Variants in FRMD5 observed in about 807,000 individuals in gnomAD.
The protein encoded by FRMD5 is FERM domain-containing protein 5.
FRMD5 carries 20 observed loss-of-function variants against 69.0 expected under a neutral mutation model. That is an observed-to-expected ratio of 0.29 (90% CI 0.20 to 0.42). The LOEUF (loss-of-function observed/expected upper bound fraction) is 0.42, where lower values mean the gene tolerates loss of function less well. FRMD5 is among the 10% of genes least tolerant of loss of function. The probability of loss-of-function intolerance (pLI) is 1.00; values close to 1 mark genes in which losing one functional copy is unlikely to be tolerated. For missense variants in FRMD5, 595 were observed against 708.6 expected (o/e 0.84, Z 1.82); for synonymous variants, 271 against 260.1 (o/e 1.04, Z -0.40).
At chr15:44,159,691 T>C (rs887738243) in intron 1 of FRMD5, among the ~76,000 whole-genome samples, 6 of 152,196 alleles carry the variant, frequency 3.9e-5, no homozygotes, top group Non-Finnish European at 8.8e-5. Context: ...AATTCTTGCT[T>C]TGATCTGCCA....
At chr15:43,951,000 G>GT (rs1272691042) in intron 1 of FRMD5, among the ~76,000 whole-genome samples, 1 of 152,146 alleles carries the variant, frequency 6.6e-6, no homozygotes, top group Non-Finnish European at 1.5e-5. Context: ...CAAAATTCAG[G>GT]TGGGCCAGTC....
At chr15:43,930,833 A>G (rs2089662524) in intron 1 of FRMD5, among the ~76,000 whole-genome samples, 2 of 152,178 alleles carry the variant, frequency 1.3e-5, no homozygotes, top group Admixed American at 6.5e-5. Context: ...AATCACATTC[A>G]GTCTGGAACA....
intron 1 of FRMD5, among the ~76,000 whole-genome samples, chr15:44,124,560 A>G (rs912904473): frequency 2.0e-5 from 3 of 151,694 alleles, no homozygotes; most frequent in African/African-American, 7.3e-5. Flanking sequence ...TTAGCCAGGC[A>G]TGGTGGCACG....
At chr15:43,983,464 TG>T (rs2140629792) in intron 1 of FRMD5, among the ~76,000 whole-genome samples, 1 of 152,336 alleles carries the variant, frequency 6.6e-6, no homozygotes, top group East Asian at 1.9e-4. Flanking sequence ...CTAGTTTCCT[TG>T]ATCTGGTTTC....
chr15:43,925,886 C>T (rs1039582543), intron 1 of FRMD5, among the ~76,000 whole-genome samples: 40 of 152,228 alleles, frequency 2.6e-4, no homozygotes, highest in Admixed American at 2.6e-3. Flanking sequence ...TACAGCCCTT[C>T]CCAGTTACTT....
intron 1 of FRMD5, among the ~76,000 whole-genome samples, chr15:43,964,196 C>A (rs1595566193): frequency 6.6e-6 from 1 of 152,026 alleles, no homozygotes; most frequent in South Asian, 2.1e-4. Flanking sequence ...AGACCAATCA[C>A]AAGGGATTTA....
intron 1 of FRMD5, among the ~76,000 whole-genome samples, chr15:44,115,256 G>A (rs1030995635): frequency 3.3e-5 from 5 of 152,044 alleles, no homozygotes; most frequent in African/African-American, 1.2e-4. Flanking sequence ...ATCTACATGC[G>A]TTACATGTAA....
intron 1 of FRMD5, among the ~76,000 whole-genome samples, chr15:44,079,121 C>T (rs909044880): frequency 2.0e-5 from 3 of 152,038 alleles, no homozygotes; most frequent in African/African-American, 7.2e-5. Context: ...ATAGATATTT[C>T]TCCATCAAAG....
chr15:44,041,061 A>G (rs1370191367), intron 1 of FRMD5, among the ~76,000 whole-genome samples: 1 of 148,518 alleles, frequency 6.7e-6, no homozygotes, highest in Non-Finnish European at 1.5e-5. Context: ...AGTTTCTGAT[A>G]AAACAGACTT....
At chr15:44,173,301 T>C (rs2077835998) in intron 1 of FRMD5, among the ~76,000 whole-genome samples, 1 of 152,144 alleles carries the variant, frequency 6.6e-6, no homozygotes. Context: ...AGGCTAAATA[T>C]ATGTAGAAAA....
intron 1 of FRMD5, among the ~76,000 whole-genome samples, chr15:43,937,238 T>A (rs2089776358): frequency 6.6e-6 from 1 of 152,212 alleles, no homozygotes; most frequent in Non-Finnish European, 1.5e-5. Context: ...GGGCTTCAGA[T>A]CAATGGGTGA....
At chr15:44,008,351 C>T (rs748433354) in intron 1 of FRMD5, among the ~76,000 whole-genome samples, 78 of 151,954 alleles carry the variant, frequency 5.1e-4, no homozygotes, top group Non-Finnish European at 8.1e-4. Context: ...GCAATCTCTG[C>T]CTCCTGGGTT....
At chr15:44,045,378 G>A (rs1014821286) in intron 1 of FRMD5, among the ~76,000 whole-genome samples, 2 of 152,142 alleles carry the variant, frequency 1.3e-5, no homozygotes, top group South Asian at 2.1e-4. Flanking sequence ...CTTTTCTAAC[G>A]AAAGAGAAAT....
intron 1 of FRMD5, among the ~76,000 whole-genome samples, chr15:44,028,575 C>G (rs111930815): frequency 6.6e-6 from 1 of 152,098 alleles, no homozygotes; most frequent in Non-Finnish European, 1.5e-5. Context: ...GTTTCCTGAG[C>G]CCCCATAGTT....
intron 11 of FRMD5, 63 bp downstream of exon 11, chr15:43,885,618 C>G: frequency 2.9e-6 from 4 of 1,390,138 alleles, no homozygotes; most frequent in Non-Finnish European, 4.1e-6. Context: ...ATAAGGACCA[C>G]TGAGTTCTCC....
chr15:43,922,208 A>G (rs1262769464), intron 2 of FRMD5, among the ~76,000 whole-genome samples: 1 of 152,230 alleles, frequency 6.6e-6, no homozygotes, highest in Non-Finnish European at 1.5e-5. Flanking sequence ...CCTGGAGTCA[A>G]ACAGGTCTGA....
At position 43,873,872 on chromosome 15, in the gene FRMD5, G is replaced by C. The variant is rs1323784465; in HGVS notation, c.*13C>G. 1 of 1,610,840 alleles carries C rather than the reference G, an allele frequency of 6.2e-7. No individual in the cohort carries two copies. The highest frequency in any genetic ancestry group is 2.2e-5 in the East Asian group (1 of 44,774). On this transcript the variant is annotated 3_prime_UTR_variant, in exon 14 of 14. Coordinates refer to ENST00000417257, the MANE Select transcript of FRMD5 (RefSeq NM_032892.5). ...GGTCCACCTGGCTAGTTTTTGGGAG[G>C]AGTCATGCCTTCTCAGGTGTCAATG...
intron 1 of FRMD5, among the ~76,000 whole-genome samples, chr15:43,950,255 G>A (rs560002734): frequency 1.4e-4 from 22 of 152,288 alleles, no homozygotes; most frequent in Admixed American, 1.4e-3. Context: ...AGGTGGATAG[G>A]TGAACGAAGG....
At chr15:44,042,695 A>G (rs1047773923) in intron 1 of FRMD5, among the ~76,000 whole-genome samples, 1 of 152,250 alleles carries the variant, frequency 6.6e-6, no homozygotes, top group African/African-American at 2.4e-5. Flanking sequence ...TTATCTCAAT[A>G]GATGCAGAAA....
Sources: gnomAD v4.1 joint callset for allele counts (sites outside exome capture counted in the v4.1 genomes callset) on GRCh38, gnomAD v4.1.1 for gene constraint, MANE v1.5 for transcripts, NCBI Gene and HGNC (gene_info 2026-07-23, HGNC 2026-07-21) for gene names.